The following SLX4IP variants were observed in gnomAD, a reference collection of about 807,000 sequenced individuals.
The protein encoded by SLX4IP is SLX4 interacting protein.
Under a neutral mutation model 32.9 loss-of-function variants are expected in SLX4IP, and 34 were observed. That is an observed-to-expected ratio of 1.03 (90% CI 0.79 to 1.38). The LOEUF (loss-of-function observed/expected upper bound fraction) is 1.38, where lower values mean the gene tolerates loss of function less well. Among genes scored for constraint, SLX4IP ranks in the 40% most tolerant of loss-of-function variants. SLX4IP has a pLI of 0.00. For missense variants in SLX4IP, 444 were observed against 479.0 expected (o/e 0.93, Z 0.68); for synonymous variants, 172 against 171.7 (o/e 1.00, Z -0.01).
chr20:10,454,270 T>C (rs547106882), intron 1 of SLX4IP, among the ~76,000 whole-genome samples: 1 of 152,354 alleles, frequency 6.6e-6, no homozygotes, highest in East Asian at 1.9e-4. Flanking sequence ...AAGAGCCATC[T>C]GTTTAGGCTG....
At chr20:10,509,797 C>G (rs1010430372) in intron 2 of SLX4IP, among the ~76,000 whole-genome samples, 2 of 151,978 alleles carry the variant, frequency 1.3e-5, no homozygotes, top group Admixed American at 6.6e-5. Context: ...TCAAGCAGTC[C>G]TCCCCTTCGG....
intron 6 of SLX4IP, among the ~76,000 whole-genome samples, chr20:10,612,611 C>T (rs45465597): frequency 0.024 from 3,586 of 152,228 alleles, 93 homozygotes; most frequent in Admixed American, 0.085. Flanking sequence ...AGTGGCGTGA[C>T]CTCGGCTCAC....
intron 6 of SLX4IP, among the ~76,000 whole-genome samples, chr20:10,618,781 T>C (rs1002524364): frequency 6.6e-6 from 1 of 152,358 alleles, no homozygotes; most frequent in East Asian, 1.9e-4. Flanking sequence ...GCACACATTA[T>C]ATATCTGCAC....
chr20:10,493,302 A>C (rs2065640852), intron 2 of SLX4IP, among the ~76,000 whole-genome samples: 1 of 152,156 alleles, frequency 6.6e-6, no homozygotes, highest in Non-Finnish European at 1.5e-5. Flanking sequence ...AGAGGCCTTA[A>C]ATAAGATTTT....
rs1337198115 is a variant in SLX4IP at position 10,623,607 on chromosome 20, C to G, written c.*228C>G. 3.3e-6 allele frequency: 2 copies of G among 605,754 alleles called. No individual in the cohort carries two copies. Among genetic ancestry groups the G allele is most frequent in the Non-Finnish European group, 5.5e-6 (2 of 361,766 alleles). 37.5% of individuals were successfully genotyped at this position (605,754 alleles called of 1,614,324 possible). A position where few individuals can be genotyped will look rare whatever the true frequency, so the allele number is the denominator to read the frequency against. The stretch of plus-strand genomic sequence containing the variant: ...GCTTCTTTATCATTGTATTTTATGA[C>G]TGTCTTCAGAGAATTAGTAATGACA... On this transcript the variant is annotated 3_prime_UTR_variant, in exon 8 of 8. Transcript: ENST00000334534.
Position 10,478,777 on chromosome 20 carries a change from T to C in SLX4IP, c.27+20546T>C, listed in dbSNP as rs563205124. On this transcript the variant is annotated intron_variant, in intron 2 of 7. Coordinates refer to ENST00000334534, the MANE Select transcript of SLX4IP (RefSeq NM_001009608.3). The stretch of plus-strand genomic sequence containing the variant: ...TGACTGTGCTGGTCAAAGGTCAATT[T>C]TGGACCCCAGACTCCTTTGTAAAAG... Among the ~76,000 whole-genome samples the C allele has an allele frequency of 8.5e-5, 13 of 152,318 alleles. No individual in the cohort carries two copies. The South Asian group carries it at 2.3e-3, about 27-fold the overall frequency.
chr20:10,444,098 G>A (rs2065180711), intron 1 of SLX4IP, among the ~76,000 whole-genome samples: 1 of 152,112 alleles, frequency 6.6e-6, no homozygotes, highest in Non-Finnish European at 1.5e-5. Context: ...GGAAATCCCA[G>A]TGAAGAGTTT....
intron 2 of SLX4IP, among the ~76,000 whole-genome samples, chr20:10,532,539 G>A (rs948555911): frequency 1.3e-5 from 2 of 152,094 alleles, no homozygotes; most frequent in African/African-American, 4.8e-5. Flanking sequence ...GCAGCAGGGT[G>A]TTGTCATGTG....
chr20:10,528,031 T>A (rs2065953881), intron 2 of SLX4IP, among the ~76,000 whole-genome samples: 1 of 152,136 alleles, frequency 6.6e-6, no homozygotes, highest in African/African-American at 2.4e-5. Flanking sequence ...GTGTTTCAAT[T>A]TTTTAAAAAA....
chr20:10,485,858 G>A (rs1481727936), intron 2 of SLX4IP, among the ~76,000 whole-genome samples: 1 of 152,112 alleles, frequency 6.6e-6, no homozygotes, highest in Non-Finnish European at 1.5e-5. Flanking sequence ...AGATAATATA[G>A]TTACTGTTTG....
rs117162948 is a variant in SLX4IP, at chr20:10,539,837, G to T, written c.28-16394G>T. ...GAGAGTCTGATTTGATTTCATTGGC[G>T]TAGAATTTGGACATAGTTATTATTT... On this transcript the variant is annotated intron_variant, in intron 2 of 7. Transcript: ENST00000334534. 4.6e-5 allele frequency among the ~76,000 whole-genome samples: 7 copies of T among 152,144 alleles called. No individual in the cohort carries two copies. In the South Asian group the frequency reaches 6.2e-4, roughly 14 times the overall value.
At chr20:10,613,046 G>A in intron 6 of SLX4IP, 1 of 240,394 alleles carries the variant, frequency 4.2e-6, no homozygotes, top group South Asian at 6.0e-5. Flanking sequence ...GCAAGTGTCT[G>A]GAAGGTGTTC....
Position 10,622,843 on chromosome 20 carries a change from A to G in SLX4IP, c.691A>G (p.Ser231Gly), listed in dbSNP as rs748072158. The change falls in exon 8 of 8, where the codon AGC (serine) becomes GGC (glycine). Residue 231 changes from serine (S) to glycine (G), a missense_variant. Physicochemically the swap from Ser to Gly is moderately conservative, Grantham distance 56. Transcript: ENST00000334534. ...QAKDSIKAAE[S>G]HWGLPVQKLE... ...AAAGGATTCCATAAAGGCAGCTGAG[A>G]GCCACTGGGGGCTTCCTGTTCAAAA... is the stretch of plus-strand genomic sequence containing the variant. 5.0e-6 allele frequency: 8 copies of G among 1,614,036 alleles called. No homozygotes were observed. In the East Asian group the frequency reaches 1.8e-4, roughly 36 times the overall value.
intron 2 of SLX4IP, among the ~76,000 whole-genome samples, chr20:10,504,462 A>G (rs1352706587): frequency 1.3e-5 from 2 of 152,114 alleles, no homozygotes; most frequent in Non-Finnish European, 2.9e-5. Flanking sequence ...TTCCTGGCCC[A>G]TTATTCTGCC....
At chr20:10,604,399 C>CTTTTTTTTTTTTT (rs1423858409) in intron 6 of SLX4IP, among the ~76,000 whole-genome samples, 20 of 151,102 alleles carry the variant, frequency 1.3e-4, no homozygotes, top group South Asian at 2.1e-4. Context: ...TTTCCTTCAT[C>CTTTTTTTTTTTTT]TTTTTTTTTG....
At chr20:10,565,028 C>G (rs530756510) in intron 4 of SLX4IP, among the ~76,000 whole-genome samples, 1 of 152,190 alleles carries the variant, frequency 6.6e-6, no homozygotes, top group African/African-American at 2.4e-5. Context: ...GTGGTTTTTG[C>G]CTTTTCCCTC....
intron 2 of SLX4IP, among the ~76,000 whole-genome samples, chr20:10,460,135 G>T (rs2122346213): frequency 6.6e-6 from 1 of 152,246 alleles, no homozygotes; most frequent in African/African-American, 2.4e-5. Context: ...CACTATTTGT[G>T]TGTCTAAAAA....
In SLX4IP at chr20:10,493,000, T is replaced by G. The variant is rs571252020; in HGVS notation, c.27+34769T>G. On this transcript the variant is annotated intron_variant, in intron 2 of 7. Transcript: ENST00000334534. Reference sequence around the variant, plus strand: ...CTTTTTTTTTTAAGAGATGGGGTCTTGCTATGTTGGCCAGGCTGGTCTCAA... The same window carrying G: ...CTTTTTTTTTTAAGAGATGGGGTCTGGCTATGTTGGCCAGGCTGGTCTCAA... Among the ~76,000 whole-genome samples, 3 of 152,270 alleles carry G rather than the reference T, an allele frequency of 2.0e-5. No homozygotes were observed. In the South Asian group the frequency reaches 6.2e-4, roughly 32 times the overall value.
intron 1 of SLX4IP, among the ~76,000 whole-genome samples, chr20:10,443,713 C>T (rs1325371660): frequency 6.6e-6 from 1 of 152,134 alleles, no homozygotes; most frequent in African/African-American, 2.4e-5. Flanking sequence ...CTGAGCAAAT[C>T]TCATGTTGAA....
Sources: gnomAD v4.1 joint callset for allele counts (sites outside exome capture counted in the v4.1 genomes callset) on GRCh38, gnomAD v4.1.1 for gene constraint, MANE v1.5 for transcripts, NCBI Gene and HGNC (gene_info 2026-07-23, HGNC 2026-07-21) for gene names.